METTL15: variants seen among roughly 807,000 people sequenced by gnomAD.
METTL15 encodes the protein 12S rRNA N(4)-cytidine methyltransferase METTL15.
In METTL15, 34 loss-of-function variants were observed where a neutral mutation model predicts 38.3. The observed-to-expected ratio is 0.89, with a 90% CI of 0.68 to 1.18. METTL15 has a LOEUF of 1.18. METTL15 is among the 50% of genes most tolerant of loss of function. The probability of loss-of-function intolerance (pLI) is 0.00; values close to 1 mark genes in which losing one functional copy is unlikely to be tolerated. For missense variants in METTL15, 438 were observed against 498.4 expected (o/e 0.88, Z 1.15); for synonymous variants, 162 against 170.9 (o/e 0.95, Z 0.41).
At position 28,458,276 on chromosome 11, in the gene METTL15, T is replaced by C. The variant is rs529684481; in HGVS notation, c.*424+33912T>C. On this transcript the variant is annotated intron_variant and NMD_transcript_variant, in intron 6 of 7. Transcript: ENST00000532947. ...AGAAATGGACAAATGGCCTTGTTTA[T>C]CTATTCTTTTTTCTTCCACATAAAA... 5.9e-5 allele frequency among the ~76,000 whole-genome samples: 9 copies of C among 152,338 alleles called. No homozygotes were observed. In the South Asian group the frequency reaches 1.9e-3, roughly 32 times the overall value.
intron 5 of METTL15, among the ~76,000 whole-genome samples, chr11:28,423,002 GA>G (rs146734663): frequency 9.3e-5 from 14 of 150,996 alleles, no homozygotes; most frequent in Admixed American, 2.6e-4. Flanking sequence ...TTTTATAGGG[GA>G]AAAAAAACAA....
intron 6 of METTL15, among the ~76,000 whole-genome samples, chr11:28,468,828 C>G (rs1851279063): frequency 6.6e-6 from 1 of 152,118 alleles, no homozygotes; most frequent in Non-Finnish European, 1.5e-5. Flanking sequence ...GTCTTTTGAT[C>G]AATAAATGCT....
At chr11:28,430,635 T>C (rs1376347063) in intron 6 of METTL15, among the ~76,000 whole-genome samples, 7 of 53,664 alleles carry the variant, frequency 1.3e-4, no homozygotes, top group Admixed American at 1.7e-4. Flanking sequence ...CCACCCCGTC[T>C]GGGAGGTGAG....
At chr11:28,454,540 A>G (rs763188062) in intron 6 of METTL15, among the ~76,000 whole-genome samples, 1 of 152,162 alleles carries the variant, frequency 6.6e-6, no homozygotes, top group Admixed American at 6.5e-5. Context: ...CTTTCTCTAC[A>G]TTATACCAGA....
chr11:28,178,504 C>T (rs1298069262), intron 3 of METTL15, among the ~76,000 whole-genome samples: 1 of 151,648 alleles, frequency 6.6e-6, no homozygotes, highest in Non-Finnish European at 1.5e-5. Flanking sequence ...CTAAATTGCC[C>T]TCCAGAAAAT....
At chr11:28,223,542 T>G (rs1341467643) in intron 4 of METTL15, among the ~76,000 whole-genome samples, 1 of 152,156 alleles carries the variant, frequency 6.6e-6, no homozygotes, top group Non-Finnish European at 1.5e-5. Flanking sequence ...CATTTTAGAG[T>G]AAACACCTTT....
At chr11:28,329,022 G>A (rs912386421) in intron 6 of METTL15, among the ~76,000 whole-genome samples, 1 of 152,048 alleles carries the variant, frequency 6.6e-6, no homozygotes, top group Non-Finnish European at 1.5e-5. Context: ...TCATATCTAA[G>A]AATCTTTTGC....
In METTL15 at chr11:28,521,476, G is replaced by A. The variant is rs11030360; in HGVS notation, c.*425-5002G>A. 4.4e-3 allele frequency among the ~76,000 whole-genome samples: 674 copies of A among 152,318 alleles called. 6 individuals carry two copies. The highest frequency in any genetic ancestry group is 0.016 in the African/African-American group (651 of 41,576). On this transcript the variant is annotated intron_variant and NMD_transcript_variant, in intron 6 of 7. Transcript: ENST00000532947. ...ATGAGGCTATTAGAGAAGACAGACT[G>A]TTGGCTTTATCTTGAAGAAATCATA...
rs754121005 is a variant in METTL15 at position 28,347,072 on chromosome 11, C to T, written c.*190-5018C>T. Among the ~76,000 whole-genome samples, 8 of 152,328 alleles carry T rather than the reference C, an allele frequency of 5.3e-5. No individual in the cohort carries two copies. In the South Asian group the frequency reaches 8.3e-4, roughly 16 times the overall value. The stretch of plus-strand genomic sequence containing the variant: ...AAAGATGAAATACCAAATACTTGCA[C>T]TTAAACTCCTTCACATGTTTCCTTG... On this transcript the variant is annotated intron_variant and NMD_transcript_variant, in intron 3 of 7. Transcript: ENST00000532947.
chr11:28,451,599 A>G (rs1446548424), intron 6 of METTL15, among the ~76,000 whole-genome samples: 1 of 152,136 alleles, frequency 6.6e-6, no homozygotes, highest in East Asian at 1.9e-4. Flanking sequence ...AAAAAAGAAA[A>G]AGAAAAAGGA....
intron 5 of METTL15, among the ~76,000 whole-genome samples, chr11:28,397,883 T>C (rs977598950): frequency 1.3e-5 from 2 of 152,134 alleles, no homozygotes; most frequent in Non-Finnish European, 2.9e-5. Context: ...ATGTGGCACA[T>C]ATACACCATG....
intron 3 of METTL15, among the ~76,000 whole-genome samples, chr11:28,340,562 T>C (rs1849941900): frequency 6.6e-6 from 1 of 151,884 alleles, no homozygotes; most frequent in Non-Finnish European, 1.5e-5. Context: ...CCAACAAACA[T>C]ACGAAAAAAA....
intron 6 of METTL15, among the ~76,000 whole-genome samples, chr11:28,478,471 C>T (rs1851366165): frequency 6.6e-6 from 1 of 152,146 alleles, no homozygotes; most frequent in South Asian, 2.1e-4. Context: ...TATCTGACCT[C>T]TCTTGCATGG....
At chr11:28,122,730 A>G (rs1397541789) in intron 3 of METTL15, among the ~76,000 whole-genome samples, 1 of 151,720 alleles carries the variant, frequency 6.6e-6, no homozygotes, top group Non-Finnish European at 1.5e-5. Flanking sequence ...GAATTAATGC[A>G]TTTTCATCAT....
intron 4 of METTL15, among the ~76,000 whole-genome samples, chr11:28,281,980 A>G (rs1856072347): frequency 1.3e-5 from 2 of 152,346 alleles, no homozygotes; most frequent in Admixed American, 1.3e-4. Context: ...TCTAAAATAT[A>G]TTTTGTTAAA....
intron 6 of METTL15, among the ~76,000 whole-genome samples, chr11:28,321,326 A>G (rs1342482094): frequency 6.6e-6 from 1 of 152,226 alleles, no homozygotes; most frequent in Non-Finnish European, 1.5e-5. Flanking sequence ...TAGCCATAAA[A>G]AAAGTGAATG....
chr11:28,153,962 T>C (rs2133692645), intron 3 of METTL15, among the ~76,000 whole-genome samples: 1 of 152,272 alleles, frequency 6.6e-6, no homozygotes, highest in South Asian at 2.1e-4. Context: ...TTAATCTCTA[T>C]AAATTGACTC....
At chr11:28,438,016 A>C (rs1291457235) in intron 6 of METTL15, among the ~76,000 whole-genome samples, 1 of 150,878 alleles carries the variant, frequency 6.6e-6, no homozygotes, top group African/African-American at 2.4e-5. Flanking sequence ...AATAAAAAAA[A>C]TGAATCATTG....
intron 3 of METTL15, among the ~76,000 whole-genome samples, chr11:28,157,417 G>A (rs1850300290): frequency 6.6e-6 from 1 of 152,152 alleles, no homozygotes; most frequent in African/African-American, 2.4e-5. Context: ...TGGCAGATAG[G>A]GATGCTCTTT....
Sources: gnomAD v4.1 joint callset for allele counts (sites outside exome capture counted in the v4.1 genomes callset) on GRCh38, gnomAD v4.1.1 for gene constraint, MANE v1.5 for transcripts, NCBI Gene and HGNC (gene_info 2026-07-23, HGNC 2026-07-21) for gene names.